RERG: variants seen among roughly 807,000 people sequenced by gnomAD.
RERG encodes the protein ras-related and estrogen-regulated growth inhibitor.
Under a neutral mutation model 23.2 loss-of-function variants are expected in RERG, and 25 were observed. That is an observed-to-expected ratio of 1.08 (90% CI 0.79 to 1.50). The LOEUF is 1.50. Ranked by LOEUF, RERG falls within the 40% of genes most tolerant of loss-of-function variation. The pLI is 0.00. For synonymous variants in RERG, 81 were observed against 89.1 expected (o/e 0.91, Z 0.51); for missense variants, 253 against 250.1 (o/e 1.01, Z -0.08).
intron 2 of RERG, among the ~76,000 whole-genome samples, chr12:15,123,650 T>C (rs1591636526): frequency 8.8e-6 from 1 of 114,002 alleles, no homozygotes; most frequent in East Asian, 2.4e-4. Flanking sequence ...TTTTTAAGTT[T>C]ATTACATTAT....
chr12:15,147,414 A>T (rs1864353587), intron 2 of RERG, among the ~76,000 whole-genome samples: 1 of 152,242 alleles, frequency 6.6e-6, no homozygotes, highest in East Asian at 1.9e-4. Context: ...ATTTTTACTT[A>T]ATTCAGTACA....
intron 3 of RERG, among the ~76,000 whole-genome samples, chr12:15,115,865 C>T (rs10846139): frequency 0.55 from 84,011 of 151,996 alleles, 23,318 homozygotes; most frequent in Admixed American, 0.62. Flanking sequence ...CCTTCTACTT[C>T]CATCAGTACT....
At chr12:15,135,325 A>T (rs897561514) in intron 2 of RERG, among the ~76,000 whole-genome samples, 2 of 152,030 alleles carry the variant, frequency 1.3e-5, no homozygotes, top group African/African-American at 4.8e-5. Flanking sequence ...TTCCTTTAAA[A>T]TTTTCTACAT....
chr12:15,131,089 A>G (rs1051819408), intron 2 of RERG, among the ~76,000 whole-genome samples: 3 of 152,100 alleles, frequency 2.0e-5, no homozygotes, highest in African/African-American at 7.3e-5. Flanking sequence ...CAAAATCAAG[A>G]AAAATCTTAA....
intron 2 of RERG, among the ~76,000 whole-genome samples, chr12:15,126,724 C>CTTTTTTTTTTTTTTTT (rs71042228): frequency 1.5e-5 from 2 of 132,466 alleles, no homozygotes; most frequent in Non-Finnish European, 1.6e-5. Context: ...CTTTTTCTTT[C>CTTTTTTTTTTTTTTTT]TTTTTTTTTT....
At chr12:15,122,988 G>A (rs149894218) in intron 2 of RERG, among the ~76,000 whole-genome samples, 1 of 151,758 alleles carries the variant, frequency 6.6e-6, no homozygotes, top group Admixed American at 6.6e-5. Context: ...TAGTAGAGAC[G>A]GGATTTCACC....
At chr12:15,172,842 T>C (rs995796463) in intron 2 of RERG, among the ~76,000 whole-genome samples, 1 of 152,086 alleles carries the variant, frequency 6.6e-6, no homozygotes, top group Non-Finnish European at 1.5e-5. Flanking sequence ...CTTTTCATTA[T>C]GAGTATGAGG....
chr12:15,201,621 TATTA>T (rs1374918281), intron 2 of RERG, among the ~76,000 whole-genome samples: 2 of 149,106 alleles, frequency 1.3e-5, no homozygotes, highest in Non-Finnish European at 3.0e-5. Flanking sequence ...AATTAGCTAA[TATTA>T]ATTATTAGTA....
chr12:15,149,455 G>A (rs1470701430), intron 2 of RERG, among the ~76,000 whole-genome samples: 1 of 152,066 alleles, frequency 6.6e-6, no homozygotes, highest in Non-Finnish European at 1.5e-5. Flanking sequence ...GAGGGGAGGT[G>A]GATGATACAT....
Position 15,109,099 on chromosome 12 carries a change from A to G in RERG, c.*11T>C. 1 of 1,565,298 alleles carries G rather than the reference A, an allele frequency of 6.4e-7. No individual in the cohort carries two copies. The highest frequency in any genetic ancestry group is 8.7e-7 in the Non-Finnish European group (1 of 1,155,918). Reference sequence around the variant, plus strand: ...TGTTTCCAATTAGTTGGTCCACCTCAGCTGGGCTGCCTAACTACTGATTTT... The same window carrying G: ...TGTTTCCAATTAGTTGGTCCACCTCGGCTGGGCTGCCTAACTACTGATTTT... On this transcript the variant is annotated 3_prime_UTR_variant, in exon 5 of 5. Transcript: ENST00000256953.
intron 2 of RERG, among the ~76,000 whole-genome samples, chr12:15,171,844 C>T (rs1033174030): frequency 1.4e-4 from 22 of 152,100 alleles, no homozygotes; most frequent in African/African-American, 3.9e-4. Context: ...ATATTAATAA[C>T]GAGAATCATA....
At chr12:15,115,554 G>C (rs1353941990) in intron 3 of RERG, among the ~76,000 whole-genome samples, 3 of 152,146 alleles carry the variant, frequency 2.0e-5, no homozygotes, top group Admixed American at 6.5e-5. Flanking sequence ...CCATGAAACA[G>C]AGCGGTATGA....
At chr12:15,163,046 C>G (rs1044180275) in intron 2 of RERG, among the ~76,000 whole-genome samples, 2 of 151,980 alleles carry the variant, frequency 1.3e-5, no homozygotes, top group Non-Finnish European at 2.9e-5. Context: ...GCCCTTGAGC[C>G]CCCGGTTGTG....
At chr12:15,175,485 G>A (rs888002849) in intron 2 of RERG, among the ~76,000 whole-genome samples, 1 of 151,576 alleles carries the variant, frequency 6.6e-6, no homozygotes, top group Admixed American at 6.6e-5. Flanking sequence ...CCAAAGACTA[G>A]AGACTGGGGC....
At position 15,197,340 on chromosome 12, in the gene RERG, G is replaced by A. The variant is rs754655008; in HGVS notation, c.61+20089C>T. On this transcript the variant is annotated intron_variant, in intron 2 of 4. Transcript: ENST00000256953. ...AAACAATTCAATGTGAAACAATTGG[G>A]AGATGTTTGTGTCCTAGGCCTGATA... Among the ~76,000 whole-genome samples the A allele has an allele frequency of 5.5e-4, 84 of 152,268 alleles. 1 individual carries two copies. The highest frequency in any genetic ancestry group is 6.2e-4 in the South Asian group (3 of 4,826).
chr12:15,169,361 G>A (rs553122256), intron 2 of RERG, among the ~76,000 whole-genome samples: 5 of 152,188 alleles, frequency 3.3e-5, no homozygotes, highest in Non-Finnish European at 7.3e-5. Context: ...AGTCAAGATT[G>A]CCCTGACCAA....
intron 3 of RERG, among the ~76,000 whole-genome samples, chr12:15,117,986 ATC>A (rs1264639443): frequency 6.6e-6 from 1 of 152,180 alleles, no homozygotes; most frequent in African/African-American, 2.4e-5. Flanking sequence ...GATTTCACCG[ATC>A]CACAGTATAA....
Position 15,208,603 on chromosome 12 carries a change from C to T in RERG, c.61+8826G>A, listed in dbSNP as rs145056597. On this transcript the variant is annotated intron_variant, in intron 2 of 4. Coordinates refer to ENST00000256953, the MANE Select transcript of RERG (RefSeq NM_032918.3). ...TGCCTTTTTGGAAGGTACATGGATC[C>T]TGTACGATATGCAGGGATACCAGAT... 2.8e-3 allele frequency among the ~76,000 whole-genome samples: 422 copies of T among 152,162 alleles called. 3 individuals carry two copies. Among genetic ancestry groups the T allele is most frequent in the African/African-American group, 9.4e-3 (388 of 41,486 alleles).
chr12:15,206,291 A>T (rs1480194303), intron 2 of RERG, among the ~76,000 whole-genome samples: 1 of 152,004 alleles, frequency 6.6e-6, no homozygotes, highest in Non-Finnish European at 1.5e-5. Flanking sequence ...CCCACAGAAT[A>T]TTTTTTTACT....
Sources: gnomAD v4.1 joint callset for allele counts (sites outside exome capture counted in the v4.1 genomes callset) on GRCh38, gnomAD v4.1.1 for gene constraint, MANE v1.5 for transcripts, NCBI Gene and HGNC (gene_info 2026-07-23, HGNC 2026-07-21) for gene names.